The following PRKCA variants were observed in gnomAD, a reference collection of about 807,000 sequenced individuals.
PRKCA encodes the protein protein kinase C alpha type.
PRKCA carries 27 observed loss-of-function variants against 87.0 expected under a neutral mutation model. The ratio of observed to expected loss-of-function variants is 0.31; its 90% CI spans 0.23 to 0.43. The LOEUF (loss-of-function observed/expected upper bound fraction) is 0.43. Ranked by LOEUF, PRKCA falls within the 20% of genes least tolerant of loss-of-function variation. PRKCA has a pLI of 1.00. For synonymous variants in PRKCA, 329 were observed against 311.1 expected, an observed-to-expected ratio of 1.06 and a Z score of -0.61; for missense variants, 518 against 852.3, an observed-to-expected ratio of 0.61 and a Z score of 4.88.
intron 2 of PRKCA, among the ~76,000 whole-genome samples, chr17:66,453,120 C>G (rs1463473243): frequency 6.6e-6 from 1 of 152,098 alleles, no homozygotes; most frequent in Non-Finnish European, 1.5e-5. Flanking sequence ...TTCCCACTGG[C>G]TAGGTGGTCA....
chr17:66,709,399 C>T (rs779250932), intron 8 of PRKCA, among the ~76,000 whole-genome samples: 2 of 148,050 alleles, frequency 1.4e-5, no homozygotes, highest in Admixed American at 6.8e-5. Context: ...GCAACCTCCA[C>T]TCCCGGGTTC....
intron 8 of PRKCA, among the ~76,000 whole-genome samples, chr17:66,719,316 G>A (rs988968860): frequency 2.6e-5 from 4 of 152,112 alleles, no homozygotes; most frequent in African/African-American, 9.7e-5. Context: ...TAAGCAAAGG[G>A]GAGAAGCAGG....
chr17:66,735,925 T>C (rs867674512), intron 10 of PRKCA, among the ~76,000 whole-genome samples: 17 of 147,884 alleles, frequency 1.1e-4, no homozygotes, highest in African/African-American at 3.7e-4. Context: ...TCTTTCTTTT[T>C]TTTTTTTTTT....
intron 2 of PRKCA, among the ~76,000 whole-genome samples, chr17:66,495,227 G>A (rs1038136657): frequency 6.6e-6 from 1 of 152,068 alleles, no homozygotes; most frequent in South Asian, 2.1e-4. Flanking sequence ...AGATTTTGCT[G>A]AATTTGCAGG....
intron 3 of PRKCA, among the ~76,000 whole-genome samples, chr17:66,513,832 T>C (rs1046808559): frequency 1.3e-5 from 2 of 152,172 alleles, no homozygotes; most frequent in African/African-American, 2.4e-5. Context: ...AGAGTTAGTG[T>C]AGGGGAACAG....
intron 2 of PRKCA, among the ~76,000 whole-genome samples, chr17:66,360,557 G>A (rs973823488): frequency 4.6e-5 from 7 of 152,190 alleles, no homozygotes; most frequent in East Asian, 1.9e-4. Context: ...GTGGATATCC[G>A]AAGGGCTCTT....
rs1027922284 is a variant in PRKCA at position 66,554,142 on chromosome 17, A to T, written c.288+57859A>T. Among the ~76,000 whole-genome samples, 4 of 151,780 alleles carry T rather than the reference A, an allele frequency of 2.6e-5. No homozygotes were observed. The South Asian group carries it at 6.3e-4, about 24-fold the overall frequency. On this transcript the variant is annotated intron_variant, in intron 3 of 16. Coordinates refer to ENST00000413366, the MANE Select transcript of PRKCA (RefSeq NM_002737.3). ...AGTTAAGACTTTTTGCTGGCCAGGT[A>T]TGGTGGCTCACGCCTGTCATCCCAA...
intron 2 of PRKCA, among the ~76,000 whole-genome samples, chr17:66,462,961 C>CAT (rs1017508710): frequency 8.3e-6 from 1 of 120,988 alleles, no homozygotes; most frequent in Admixed American, 8.4e-5. Flanking sequence ...CACACACACA[C>CAT]ACACATTTAT....
intron 2 of PRKCA, among the ~76,000 whole-genome samples, chr17:66,382,090 G>T (rs189397720): frequency 6.6e-6 from 1 of 152,226 alleles, no homozygotes; most frequent in African/African-American, 2.4e-5. Context: ...ATGGAGCGGT[G>T]CAAGGCAAGG....
intron 3 of PRKCA, among the ~76,000 whole-genome samples, chr17:66,508,400 T>G (rs1295548573): frequency 1.3e-5 from 2 of 152,258 alleles, no homozygotes; most frequent in East Asian, 3.8e-4. Flanking sequence ...GCCGTGGTTC[T>G]GACTGGGTGA....
intron 2 of PRKCA, among the ~76,000 whole-genome samples, chr17:66,402,498 A>G (rs2143693603): frequency 6.6e-6 from 1 of 150,844 alleles, no homozygotes; most frequent in African/African-American, 2.4e-5. Flanking sequence ...TAATTAAAGT[A>G]GCTGACATTT....
intron 8 of PRKCA, among the ~76,000 whole-genome samples, chr17:66,694,884 T>C (rs975407066): frequency 3.3e-5 from 5 of 152,104 alleles, no homozygotes; most frequent in Non-Finnish European, 7.4e-5. Context: ...TTAGTAAGCT[T>C]AGTATTTTTG....
chr17:66,609,312 T>G (rs1279244673), intron 3 of PRKCA, among the ~76,000 whole-genome samples: 1 of 152,188 alleles, frequency 6.6e-6, no homozygotes, highest in African/African-American at 2.4e-5. Flanking sequence ...GCTACTACTT[T>G]GCCGCTAGTT....
intron 5 of PRKCA, among the ~76,000 whole-genome samples, chr17:66,668,533 G>C (rs901633192): frequency 5.3e-5 from 8 of 152,204 alleles, no homozygotes; most frequent in African/African-American, 1.9e-4. Flanking sequence ...ACATCAACTT[G>C]AGTGCCCTGG....
intron 3 of PRKCA, among the ~76,000 whole-genome samples, chr17:66,513,780 A>G (rs573774608): frequency 6.6e-6 from 1 of 152,258 alleles, no homozygotes; most frequent in Non-Finnish European, 1.5e-5. Flanking sequence ...TGCTAGGTGC[A>G]AAAGCTTAAT....
At chr17:66,413,781 A>G (rs150602265) in intron 2 of PRKCA, among the ~76,000 whole-genome samples, 12,313 of 152,200 alleles carry the variant, frequency 0.081, 606 homozygotes, top group East Asian at 0.18. Flanking sequence ...TGGGAGGCCA[A>G]GGCAGGCAGA....
intron 2 of PRKCA, among the ~76,000 whole-genome samples, chr17:66,495,606 C>A (rs756546852): frequency 7.1e-6 from 1 of 141,710 alleles, no homozygotes; most frequent in Non-Finnish European, 1.5e-5. Context: ...GTCTGGAGTG[C>A]AGTGGCATGG....
intron 13 of PRKCA, among the ~76,000 whole-genome samples, chr17:66,755,111 AAAG>A (rs1469007410): frequency 6.6e-6 from 1 of 152,170 alleles, no homozygotes; most frequent in Admixed American, 6.5e-5. Context: ...GAAGAGCTAA[AAAG>A]AGATTCATCC....
intron 13 of PRKCA, among the ~76,000 whole-genome samples, chr17:66,755,848 T>C (rs1320123814): frequency 2.0e-5 from 3 of 152,042 alleles, no homozygotes; most frequent in South Asian, 2.1e-4. Flanking sequence ...TGCACCAGCA[T>C]TGGTGGTTGA....
Sources: allele counts gnomAD v4.1 joint callset (sites outside exome capture counted in the v4.1 genomes callset), GRCh38; gene constraint gnomAD v4.1.1; transcripts MANE v1.5; gene names NCBI Gene and HGNC (gene_info 2026-07-23, HGNC 2026-07-21).